The following PRRX1 variants were observed in gnomAD, a reference collection of about 807,000 sequenced individuals.
PRRX1 encodes the protein paired mesoderm homeobox protein 1.
In PRRX1, 8 loss-of-function variants were observed where a neutral mutation model predicts 24.0. The ratio of observed to expected loss-of-function variants is 0.33; its 90% CI spans 0.20 to 0.60. The LOEUF is 0.60. PRRX1 is among the 20% of genes least tolerant of loss of function. The pLI, the probability that PRRX1 is intolerant of heterozygous loss-of-function variation, is 0.82. For missense variants in PRRX1, 281 were observed against 322.4 expected, an observed-to-expected ratio of 0.87 and a Z score of 0.98; for synonymous variants, 160 against 131.7, an observed-to-expected ratio of 1.22 and a Z score of -1.47.
In PRRX1 at chr1:170,705,917, G is replaced by GACACACACAC. The variant is rs72161621; in HGVS notation, c.242-13801_242-13792dup. Among the ~76,000 whole-genome samples, 927 of 123,710 alleles carry GACACACACAC rather than the reference G, an allele frequency of 7.5e-3. 11 individuals are homozygous for GACACACACAC. Among genetic ancestry groups the GACACACACAC allele is most frequent in the Non-Finnish European group, 0.01 (618 of 59,380 alleles). The allele number at this position is 123,710 out of a possible 152,430, so 81.2% of individuals were successfully genotyped here. A position where few individuals can be genotyped will look rare whatever the true frequency, so the allele number is the denominator to read the frequency against. On this transcript the variant is annotated intron_variant, in intron 1 of 3. Coordinates refer to ENST00000239461, the MANE Select transcript of PRRX1 (RefSeq NM_022716.4). ...GCTAAGTCACACATATACCCACATA[G>GACACACACAC]ACACACACACACACACATACACACA...
chr1:170,684,760 C>A (rs140957017), intron 1 of PRRX1, among the ~76,000 whole-genome samples: 2,302 of 152,068 alleles, frequency 0.015, 44 homozygotes, highest in African/African-American at 0.052. Flanking sequence ...CTCACACACA[C>A]AAAAAAAGAT....
At chr1:170,707,999 T>G (rs1318808364) in intron 1 of PRRX1, among the ~76,000 whole-genome samples, 2 of 152,228 alleles carry the variant, frequency 1.3e-5, no homozygotes, top group African/African-American at 2.4e-5. Context: ...TGTCCTTCCT[T>G]AACCTTGATT....
chr1:170,709,984 A>G (rs1369939137), intron 1 of PRRX1, among the ~76,000 whole-genome samples: 3 of 152,172 alleles, frequency 2.0e-5, no homozygotes. Context: ...TCTAAAAAAC[A>G]TCTTAGGTTT....
intron 3 of PRRX1, among the ~76,000 whole-genome samples, chr1:170,732,422 T>G (rs1571352027): frequency 6.6e-6 from 1 of 152,188 alleles, no homozygotes; most frequent in East Asian, 1.9e-4. Flanking sequence ...AATGCCATTT[T>G]TGAAGAATGA....
Position 170,738,059 on chromosome 1 carries a change from A to G in PRRX1, c.*1873A>G, listed in dbSNP as rs1281741087. ...TTTCAGATCTCTCAAAAATCACATC[A>G]TTTGACCAAAGAATAATTTAAGACA... is the stretch of plus-strand genomic sequence containing the variant. On this transcript the variant is annotated 3_prime_UTR_variant, in exon 4 of 4. Coordinates refer to ENST00000239461, the MANE Select transcript of PRRX1 (RefSeq NM_022716.4). The G allele has an allele frequency of 4.6e-6, 1 of 217,334 alleles. No homozygotes were observed. Among genetic ancestry groups the G allele is most frequent in the East Asian group, 6.8e-5 (1 of 14,624 alleles). The allele number at this position is 217,334 out of a possible 1,614,324, so 13.5% of individuals were successfully genotyped here.
At chr1:170,692,561 T>C (rs985843061) in intron 1 of PRRX1, among the ~76,000 whole-genome samples, 5 of 151,998 alleles carry the variant, frequency 3.3e-5, no homozygotes, top group African/African-American at 1.2e-4. Flanking sequence ...GTTCTACTAT[T>C]TTTTAAGAAC....
intron 1 of PRRX1, among the ~76,000 whole-genome samples, chr1:170,705,790 T>G (rs1037041269): frequency 6.6e-6 from 1 of 152,110 alleles, no homozygotes. Flanking sequence ...GTAAAACTTT[T>G]GCATTGCAAG....
intron 3 of PRRX1, chr1:170,730,456 A>G: frequency 5.6e-6 from 5 of 892,320 alleles, no homozygotes; most frequent in Non-Finnish European, 7.3e-6. Flanking sequence ...TCAGCAGTGA[A>G]GTCCTCAAGT....
intron 2 of PRRX1, among the ~76,000 whole-genome samples, chr1:170,721,404 T>G (rs1235192737): frequency 6.6e-6 from 1 of 152,170 alleles, no homozygotes; most frequent in Non-Finnish European, 1.5e-5. Context: ...GGTAGATTCC[T>G]AGCCCATCGA....
intron 1 of PRRX1, among the ~76,000 whole-genome samples, chr1:170,675,531 T>C (rs973812916): frequency 7.2e-5 from 11 of 152,202 alleles, no homozygotes; most frequent in African/African-American, 2.7e-4. Flanking sequence ...TATAAAGGTA[T>C]TTCTTTATAC....
chr1:170,672,881 T>C (rs1262130080), intron 1 of PRRX1, among the ~76,000 whole-genome samples: 1 of 152,170 alleles, frequency 6.6e-6, no homozygotes, highest in East Asian at 1.9e-4. Context: ...CTCCTGTCCT[T>C]GTCTACTCCC....
intron 1 of PRRX1, among the ~76,000 whole-genome samples, chr1:170,664,732 C>A (rs1558040501): frequency 6.6e-6 from 1 of 152,360 alleles, no homozygotes; most frequent in African/African-American, 2.4e-5. Flanking sequence ...ACTCTGTCCG[C>A]GGCGGACTCT....
At chr1:170,689,836 CTCCCTCT>C (rs1558049675) in intron 1 of PRRX1, among the ~76,000 whole-genome samples, 1 of 58,086 alleles carries the variant, frequency 1.7e-5, no homozygotes, top group Non-Finnish European at 3.6e-5. Flanking sequence ...CTCTCTCTCT[CTCCCTCT>C]CTCTCTCTCT....
In PRRX1 at chr1:170,732,092, T is replaced by G. The variant is rs577315613; in HGVS notation, c.600-3956T>G. Among the ~76,000 whole-genome samples, 194 of 152,284 alleles carry G rather than the reference T, an allele frequency of 1.3e-3. 2 individuals are homozygous for G. The highest frequency in any genetic ancestry group is 4.5e-3 in the African/African-American group (189 of 41,576). On this transcript the variant is annotated intron_variant, in intron 3 of 3. Coordinates refer to ENST00000239461, the MANE Select transcript of PRRX1 (RefSeq NM_022716.4). ...GGTTGTTGTTAAGCAGGCTTCTGGT[T>G]GTTGTCATGTGCTTAATCTGTACAA...
chr1:170,707,930 G>A (rs762642883), intron 1 of PRRX1, among the ~76,000 whole-genome samples: 3 of 152,196 alleles, frequency 2.0e-5, no homozygotes, highest in Non-Finnish European at 4.4e-5. Context: ...TGTCATGTAA[G>A]TCATATTGGA....
chr1:170,732,997 A>C (rs1655487134), intron 3 of PRRX1, among the ~76,000 whole-genome samples: 1 of 152,140 alleles, frequency 6.6e-6, no homozygotes, highest in Admixed American at 6.6e-5. Flanking sequence ...TATGTGAAAA[A>C]TGTGCCAGTG....
Position 170,719,882 on chromosome 1 carries a change from T to G in PRRX1, c.398T>G (p.Leu133Arg). The G allele has an allele frequency of 1.2e-6, 2 of 1,614,042 alleles. No homozygotes were observed. The highest frequency in any genetic ancestry group is 1.7e-6 in the Non-Finnish European group (2 of 1,179,968). ...GAAGACCTTGCCCGCCGGGTGAACC[T>G]CACCGAGGCGAGAGTGCAGGTAACT... The part of the protein sequence containing the change: ...VREDLARRVN[L>R]TEARVQVWFQ... The change falls in exon 2 of 4, where the codon CTC becomes CGC. Residue 133 changes from leucine (L) to arginine (R), a missense_variant. Coordinates refer to ENST00000239461, the MANE Select transcript of PRRX1 (RefSeq NM_022716.4).
At chr1:170,735,654 C>T (rs190260873) in intron 3 of PRRX1, among the ~76,000 whole-genome samples, 1 of 152,090 alleles carries the variant, frequency 6.6e-6, no homozygotes, top group African/African-American at 2.4e-5. Context: ...TTCTATTCCC[C>T]ACTGCTCCCA....
chr1:170,709,962 C>T (rs1654693088), intron 1 of PRRX1, among the ~76,000 whole-genome samples: 1 of 152,128 alleles, frequency 6.6e-6, no homozygotes, highest in Non-Finnish European at 1.5e-5. Flanking sequence ...TAGAATAACT[C>T]TTTATAGTTA....
Sources: allele counts gnomAD v4.1 joint callset (sites outside exome capture counted in the v4.1 genomes callset), GRCh38; gene constraint gnomAD v4.1.1; transcripts MANE v1.5; gene names NCBI Gene and HGNC (gene_info 2026-07-23, HGNC 2026-07-21).